WDR41: variants seen among roughly 807,000 people sequenced by gnomAD.
WDR41 encodes WD repeat domain 41.
Under a neutral mutation model 69.3 loss-of-function variants are expected in WDR41, and 63 were observed. The observed-to-expected ratio is 0.91, with a 90% CI of 0.74 to 1.12. The LOEUF (loss-of-function observed/expected upper bound fraction) is 1.12, where lower values mean the gene tolerates loss of function less well. Ranked by LOEUF, WDR41 falls within the 50% of genes most tolerant of loss-of-function variation. The probability of loss-of-function intolerance (pLI) is 0.00; values close to 1 mark genes in which losing one functional copy is unlikely to be tolerated. For missense variants in WDR41, 543 were observed against 534.5 expected (o/e 1.02, Z -0.16); for synonymous variants, 185 against 192.1 (o/e 0.96, Z 0.31).
intron 1 of WDR41, among the ~76,000 whole-genome samples, chr5:77,540,816 A>G (rs1315370291): frequency 6.6e-6 from 1 of 152,230 alleles, no homozygotes; most frequent in East Asian, 1.9e-4. Context: ...ACAAAATTGT[A>G]TAAAACCTGT....
In WDR41 at chr5:77,556,095, C is replaced by CTTT. The variant is rs34372647; in HGVS notation, c.42+64381_42+64383dup. On this transcript the variant is annotated intron_variant, in intron 1 of 5. Transcript: ENST00000509971. The stretch of plus-strand genomic sequence containing the variant: ...ACAAAGGTGGTGGGGAAAAGATGGA[C>CTTT]TTTTTTTTTTTTTTTTTTTTTTTTT... Among the ~76,000 whole-genome samples the CTTT allele has an allele frequency of 1.7e-3, 98 of 57,694 alleles. 14 individuals are homozygous for CTTT. The highest frequency in any genetic ancestry group is 3.0e-3 in the African/African-American group (42 of 13,840). 37.8% of individuals were successfully genotyped at this position (57,694 alleles called of 152,430 possible).
chr5:77,591,878 G>T (rs1431781667), intron 1 of WDR41, among the ~76,000 whole-genome samples: 1 of 152,002 alleles, frequency 6.6e-6, no homozygotes, highest in Non-Finnish European at 1.5e-5. Flanking sequence ...GTTAAATACT[G>T]ATTGTAATTA....
At chr5:77,583,261 T>C (rs1303184907) in intron 1 of WDR41, 3 of 615,644 alleles carry the variant, frequency 4.9e-6, no homozygotes, top group Non-Finnish European at 8.4e-6. Flanking sequence ...GTCCCTGTTA[T>C]CTCAACATTT....
At position 77,436,255 on chromosome 5, in the gene WDR41, C is replaced by T. The variant is rs375658451; in HGVS notation, c.1227+6G>A. The stretch of plus-strand genomic sequence containing the variant: ...GCTTGGACATTCTGTGGCTAAACAG[C>T]AATACCTCCACAGATGATGAGTGTC... On this transcript the variant is annotated splice_donor_region_variant and intron_variant, in intron 12 of 12. Coordinates refer to ENST00000296679, the MANE Select transcript of WDR41 (RefSeq NM_018268.4). The T allele has an allele frequency of 9.4e-5, 151 of 1,607,750 alleles. No individual in the cohort carries two copies. Among genetic ancestry groups the T allele is most frequent in the Non-Finnish European group, 1.2e-4 (144 of 1,176,348 alleles).
At chr5:77,515,348 T>C (rs1802277331) in intron 1 of WDR41, among the ~76,000 whole-genome samples, 1 of 152,182 alleles carries the variant, frequency 6.6e-6, no homozygotes, top group East Asian at 1.9e-4. Context: ...TCAATATCAC[T>C]ATCTTCCACT....
intron 1 of WDR41, among the ~76,000 whole-genome samples, chr5:77,575,113 A>G (rs1743806340): frequency 6.6e-6 from 1 of 152,216 alleles, no homozygotes. Context: ...TGTCACACTG[A>G]AACTTATTTA....
rs1800147504 is a variant in WDR41 at position 77,463,177 on chromosome 5, G to A, written c.266C>T (p.Ala89Val). The A allele has an allele frequency of 6.2e-7, 1 of 1,612,504 alleles. No individual in the cohort carries two copies. The highest frequency in any genetic ancestry group is 1.7e-5 in the Admixed American group (1 of 59,828). ...TTCCAAGGAAGGAAATGTAATAATA[G>A]CTGTTATCTTTTGAGTGTGTCCATT... ...ELNGHTQKITAIITFPSLESC... is the reference protein window; with the variant it reads ...ELNGHTQKITVIITFPSLESC... Residue 89 changes from alanine (A) to valine (V), a missense_variant, in exon 4 of 13, where the codon GCT becomes GTT. Transcript: ENST00000296679.
At chr5:77,437,492 G>C (rs991077716) in intron 10 of WDR41, 68 bp from the exon 11 acceptor site, 34 of 1,380,238 alleles carry the variant, frequency 2.5e-5, no homozygotes, top group Non-Finnish European at 3.4e-5. Flanking sequence ...AATTTGCAGT[G>C]AAAGAAATCA....
chr5:77,582,252 T>G lies in WDR41; in HGVS notation c.42+38227A>C, dbSNP rs1025617952. On this transcript the variant is annotated intron_variant, in intron 1 of 5. Transcript: ENST00000509971. ...CATAACTTAGATGAAATGGACAAAA[T>G]TCCTAAAAGACACAAATTACCAACT... The G allele has an allele frequency of 8.3e-5, 72 of 871,952 alleles. No individual in the cohort carries two copies. The African/African-American group carries it at 1.0e-3, about 12-fold the overall frequency. 54.0% of individuals were successfully genotyped at this position (871,952 alleles called of 1,614,324 possible).
At chr5:77,459,437 C>T (rs1454734766) in intron 4 of WDR41, among the ~76,000 whole-genome samples, 1 of 152,088 alleles carries the variant, frequency 6.6e-6, no homozygotes. Flanking sequence ...AAAGTTTATT[C>T]TCCAGAATAG....
intron 2 of WDR41, among the ~76,000 whole-genome samples, chr5:77,483,481 CGT>C (rs35574463): frequency 0.081 from 11,550 of 143,152 alleles, 464 homozygotes; most frequent in Non-Finnish European, 0.11. Context: ...CCTGAATACT[CGT>C]GTGTGTGTGT....
chr5:77,520,594 G>A (rs1335512662), intron 1 of WDR41, among the ~76,000 whole-genome samples: 6 of 152,078 alleles, frequency 3.9e-5, no homozygotes, highest in African/African-American at 7.2e-5. Context: ...CTTTATCCTC[G>A]TAAAATTGAG....
chr5:77,582,835 A>G, intron 1 of WDR41: 1 of 1,602,330 alleles, frequency 6.2e-7, no homozygotes. Context: ...AAATGAACTA[A>G]TCTACAAGCG....
upstream of WDR41, among the ~76,000 whole-genome samples, chr5:77,495,941 C>T (rs984347270): frequency 6.6e-6 from 1 of 151,824 alleles, no homozygotes; most frequent in African/African-American, 2.4e-5. Flanking sequence ...AGATTTATTC[C>T]GGGAATGGAA....
intron 4 of WDR41, among the ~76,000 whole-genome samples, chr5:77,460,699 C>G (rs994106363): frequency 6.6e-6 from 1 of 150,976 alleles, no homozygotes; most frequent in African/African-American, 2.4e-5. Flanking sequence ...TTCATATACA[C>G]CTTATACATA....
chr5:77,463,702 G>A (rs564329741), intron 3 of WDR41, among the ~76,000 whole-genome samples: 1 of 152,090 alleles, frequency 6.6e-6, no homozygotes, highest in African/African-American at 2.4e-5. Flanking sequence ...TAGAAAGTCA[G>A]TCTCCACTCC....
intron 1 of WDR41, among the ~76,000 whole-genome samples, chr5:77,618,680 G>GT (rs1744723345): frequency 6.6e-6 from 1 of 152,124 alleles, no homozygotes; most frequent in Admixed American, 6.6e-5. Context: ...GCCTAAACAC[G>GT]TTTTTTGATG....
rs35089946 is a variant in WDR41 at position 77,434,314 on chromosome 5, GAAA to G, written c.1228-1030_1228-1028del. On this transcript the variant is annotated intron_variant, in intron 12 of 12. Coordinates refer to ENST00000296679, the MANE Select transcript of WDR41 (RefSeq NM_018268.4). Reference sequence around the variant, plus strand: ...CAACAAGAGCAAAACTCCCTCTCGGGAAAAAAAACAAGAGTTTTCTCTGAAATG... The same window carrying G: ...CAACAAGAGCAAAACTCCCTCTCGGGAAAAACAAGAGTTTTCTCTGAAATG... 3.9e-3 allele frequency among the ~76,000 whole-genome samples: 592 copies of G among 151,738 alleles called. 4 individuals carry two copies. The highest frequency in any genetic ancestry group is 5.2e-3 in the Non-Finnish European group (356 of 67,898).
chr5:77,433,317 G>A lies in WDR41; in HGVS notation c.1228-30C>T, dbSNP rs757634607. On this transcript the variant is annotated intron_variant, in intron 12 of 12. Coordinates refer to ENST00000296679, the MANE Select transcript of WDR41 (RefSeq NM_018268.4). The stretch of plus-strand genomic sequence containing the variant: ...AAAGAAAATTAAAACTGATTATAGG[G>A]ACCCCGAAAAGCAGAGAAGTGTCTA... The A allele has an allele frequency of 4.4e-6, 7 of 1,600,238 alleles. No homozygotes were observed. The Admixed American group carries it at 1.0e-4, about 24-fold the overall frequency.
Sources: allele counts gnomAD v4.1 joint callset (sites outside exome capture counted in the v4.1 genomes callset), GRCh38; gene constraint gnomAD v4.1.1; transcripts MANE v1.5; gene names NCBI Gene and HGNC (gene_info 2026-07-23, HGNC 2026-07-21).